B3GALT1: variants seen among roughly 807,000 people sequenced by gnomAD.
B3GALT1 encodes the protein UDP-Gal:betaGlcNAc beta 1,3-galactosyltransferase, polypeptide 1.
B3GALT1 carries 10 observed loss-of-function variants against 23.2 expected under a neutral mutation model. That is an observed-to-expected ratio of 0.43 (90% CI 0.27 to 0.73). The LOEUF (loss-of-function observed/expected upper bound fraction) is 0.73. Among genes scored for constraint, B3GALT1 ranks in the 30% least tolerant of loss-of-function variants. The probability of loss-of-function intolerance (pLI) is 0.21; values close to 1 mark genes in which losing one functional copy is unlikely to be tolerated. For missense variants in B3GALT1, 299 were observed against 405.4 expected, an observed-to-expected ratio of 0.74 and a Z score of 2.25; for synonymous variants, 156 against 141.5, an observed-to-expected ratio of 1.10 and a Z score of -0.73.
chr2:167,396,180 A>G (rs1045040451), intron 1 of B3GALT1, among the ~76,000 whole-genome samples: 1 of 152,178 alleles, frequency 6.6e-6, no homozygotes, highest in Admixed American at 6.6e-5. Context: ...AAGAGCTTAT[A>G]TCTAATTGCT....
At chr2:167,812,984 A>ACCC (rs1688920753) in intron 3 of B3GALT1, among the ~76,000 whole-genome samples, 4 of 89,814 alleles carry the variant, frequency 4.5e-5, no homozygotes, top group African/African-American at 1.3e-4. Context: ...CACACGCACC[A>ACCC]CCACCACCCC....
intron 1 of B3GALT1, among the ~76,000 whole-genome samples, chr2:167,460,107 T>G (rs1290245231): frequency 6.6e-6 from 1 of 152,240 alleles, no homozygotes; most frequent in African/African-American, 2.4e-5. Context: ...GAGTTCATCT[T>G]ACTTGCAGTT....
At chr2:167,332,887 A>G (rs926271196) in intron 1 of B3GALT1, among the ~76,000 whole-genome samples, 1 of 152,230 alleles carries the variant, frequency 6.6e-6, no homozygotes, top group Admixed American at 6.5e-5. Flanking sequence ...TTATAAAGCA[A>G]CACTATTAAT....
intron 3 of B3GALT1, among the ~76,000 whole-genome samples, chr2:167,697,143 T>G (rs1013802765): frequency 6.6e-6 from 1 of 152,170 alleles, no homozygotes; most frequent in African/African-American, 2.4e-5. Context: ...TTAAATAAAA[T>G]TGAACATATT....
intron 2 of B3GALT1, among the ~76,000 whole-genome samples, chr2:167,572,565 A>G (rs969342478): frequency 2.0e-5 from 3 of 151,730 alleles, no homozygotes; most frequent in African/African-American, 7.3e-5. Flanking sequence ...TCACCAACAA[A>G]ACAAAGATTG....
chr2:167,422,558 G>A (rs187001410), intron 1 of B3GALT1, among the ~76,000 whole-genome samples: 220 of 152,268 alleles, frequency 1.4e-3, no homozygotes, highest in Admixed American at 2.8e-3. Context: ...TGCAGGGCTC[G>A]CCACTTTATG....
At chr2:167,468,157 A>G (rs751990317) in intron 1 of B3GALT1, among the ~76,000 whole-genome samples, 3 of 152,310 alleles carry the variant, frequency 2.0e-5, no homozygotes, top group South Asian at 4.1e-4. Flanking sequence ...AATGTGCACT[A>G]TCTGAAGGAC....
chr2:167,853,361 T>C (rs1272909836), intron 4 of B3GALT1, among the ~76,000 whole-genome samples: 1 of 152,112 alleles, frequency 6.6e-6, no homozygotes, highest in Non-Finnish European at 1.5e-5. Flanking sequence ...GAGTTCTCTA[T>C]TTTTTTAATT....
chr2:167,623,041 T>A (rs1035918093), intron 2 of B3GALT1, among the ~76,000 whole-genome samples: 3 of 151,988 alleles, frequency 2.0e-5, no homozygotes, highest in Non-Finnish European at 4.4e-5. Context: ...GCTTTGAAAA[T>A]ACATAGTCAT....
chr2:167,451,311 C>G (rs1248718041), intron 1 of B3GALT1, among the ~76,000 whole-genome samples: 1 of 152,128 alleles, frequency 6.6e-6, no homozygotes, highest in African/African-American at 2.4e-5. Flanking sequence ...GGTTCCTTCT[C>G]ATTTGGGTAG....
chr2:167,420,668 A>G (rs1698532998), intron 1 of B3GALT1, among the ~76,000 whole-genome samples: 1 of 152,218 alleles, frequency 6.6e-6, no homozygotes, highest in South Asian at 2.1e-4. Context: ...GGTAAGCCAT[A>G]TCATCCATGA....
intron 1 of B3GALT1, among the ~76,000 whole-genome samples, chr2:167,349,587 G>T (rs1044591567): frequency 2.0e-5 from 3 of 152,110 alleles, no homozygotes; most frequent in African/African-American, 7.2e-5. Context: ...GAAGGAAAAA[G>T]AAACTTATGC....
At chr2:167,364,172 A>G (rs1697547520) in intron 1 of B3GALT1, among the ~76,000 whole-genome samples, 1 of 150,322 alleles carries the variant, frequency 6.7e-6, no homozygotes, top group South Asian at 2.1e-4. Context: ...TCAAAAAAAA[A>G]AAAAAAAAAA....
Position 167,510,623 on chromosome 2 carries a change from C to A in B3GALT1, c.-410+20346C>A, listed in dbSNP as rs149100405. 2.8e-3 allele frequency among the ~76,000 whole-genome samples: 433 copies of A among 152,164 alleles called. 2 individuals carry two copies. Among genetic ancestry groups the A allele is most frequent in the African/African-American group, 9.8e-3 (409 of 41,540 alleles). Reference sequence around the variant, plus strand: ...AAACAAATTGCAAGCCTGCTGCTAACCTTTGGCTTCCCAGAGTATCAAAGA... The same window carrying A: ...AAACAAATTGCAAGCCTGCTGCTAAACTTTGGCTTCCCAGAGTATCAAAGA... On this transcript the variant is annotated intron_variant, in intron 2 of 4. Coordinates refer to ENST00000392690, the MANE Select transcript of B3GALT1 (RefSeq NM_020981.4).
At chr2:167,756,351 C>T (rs1425361084) in intron 3 of B3GALT1, among the ~76,000 whole-genome samples, 1 of 152,210 alleles carries the variant, frequency 6.6e-6, no homozygotes, top group Non-Finnish European at 1.5e-5. Flanking sequence ...AACATTTGAA[C>T]ATACGGATCA....
At chr2:167,837,643 C>T (rs1284703324) in intron 4 of B3GALT1, among the ~76,000 whole-genome samples, 2,519 of 108,952 alleles carry the variant, frequency 0.023, no homozygotes, top group South Asian at 0.039. Flanking sequence ...ACAAGGATAC[C>T]CAGGAATTGA....
chr2:167,526,436 C>A (rs1483515799), intron 2 of B3GALT1, among the ~76,000 whole-genome samples: 1 of 152,132 alleles, frequency 6.6e-6, no homozygotes, highest in African/African-American at 2.4e-5. Context: ...AGAATTATAA[C>A]CTGTATCCCT....
At position 167,304,687 on chromosome 2, in the gene B3GALT1, G is replaced by A. The variant is rs115752687; in HGVS notation, c.-511+11353G>A. ...ACAGAGACAGAGAGACAGAAAGAGGGAGAGACTATAAGAATTGGCTCAGGA... is the reference window on the plus strand; with the variant it reads ...ACAGAGACAGAGAGACAGAAAGAGGAAGAGACTATAAGAATTGGCTCAGGA... On this transcript the variant is annotated intron_variant, in intron 1 of 4. Transcript: ENST00000392690. Among the ~76,000 whole-genome samples the A allele has an allele frequency of 3.2e-3, 486 of 151,486 alleles. 5 individuals are homozygous for A. The highest frequency in any genetic ancestry group is 5.4e-3 in the Non-Finnish European group (368 of 67,974).
intron 1 of B3GALT1, among the ~76,000 whole-genome samples, chr2:167,323,598 G>A (rs1456516084): frequency 6.6e-6 from 1 of 152,098 alleles, no homozygotes; most frequent in Admixed American, 6.6e-5. Context: ...TTTTAGGAGA[G>A]AATGTGATGC....
Sources: gnomAD v4.1 joint callset for allele counts (sites outside exome capture counted in the v4.1 genomes callset) on GRCh38, gnomAD v4.1.1 for gene constraint, MANE v1.5 for transcripts, NCBI Gene and HGNC (gene_info 2026-07-23, HGNC 2026-07-21) for gene names.